Variants in SNX21 observed in about 807,000 individuals in gnomAD.
The protein encoded by SNX21 is sorting nexin-21.
A neutral mutation model predicts 30.9 loss-of-function variants in SNX21; 36 were observed. That is an observed-to-expected ratio of 1.16 (90% CI 0.89 to 1.54). The LOEUF (loss-of-function observed/expected upper bound fraction) is 1.54. Among genes scored for constraint, SNX21 ranks in the 40% most tolerant of loss-of-function variants. The pLI is 0.00. For synonymous variants in SNX21, 218 were observed against 222.7 expected (o/e 0.98, Z 0.19); for missense variants, 508 against 516.5 (o/e 0.98, Z 0.16).
Position 45,841,775 on chromosome 20 carries a change from C to T in SNX21, c.*462C>T. 6.6e-7 allele frequency: 1 copy of T among 1,506,506 alleles called. No individual in the cohort carries two copies. Among genetic ancestry groups the T allele is most frequent in the Non-Finnish European group, 8.8e-7 (1 of 1,135,558 alleles). The allele number at this position is 1,506,506 out of a possible 1,614,324, so 93.3% of individuals were successfully genotyped here. A position where few individuals can be genotyped will look rare whatever the true frequency, so the allele number is the denominator to read the frequency against. On this transcript the variant is annotated 3_prime_UTR_variant, in exon 4 of 4. Coordinates refer to ENST00000491381, the MANE Select transcript of SNX21 (RefSeq NM_033421.4). ...TGAGGGCCAAAAGGGACTGTAACTC[C>T]TGTCTCAGGAATGGGGATAGATGGG...
chr20:45,840,467 G>A (rs1983961338), intron 3 of SNX21, 172 bp from the exon 4 acceptor site: 1 of 1,614,178 alleles, frequency 6.2e-7, no homozygotes, highest in African/African-American at 1.3e-5. Flanking sequence ...AGGTAAGATG[G>A]GACTGGGCTT....
chr20:45,834,075 T>G (rs1253912895), intron 1 of SNX21, 126 bp from the exon 2 acceptor site: 4 of 1,395,350 alleles, frequency 2.9e-6, no homozygotes, highest in East Asian at 2.7e-5. Flanking sequence ...GACCTCGGAC[T>G]GCCAGGGGGT....
Position 45,840,975 on chromosome 20 carries a change from C to G in SNX21, c.784C>G (p.Leu262Val). The part of the protein sequence containing the change: ...CTGLYREALA[L>V]WANAWQLQAQ... ...TGGCCTCTATCGTGAGGCTCTGGCACTCTGGGCCAATGCCTGGCAGCTGCA... is the reference window on the plus strand; with the variant it reads ...TGGCCTCTATCGTGAGGCTCTGGCAGTCTGGGCCAATGCCTGGCAGCTGCA... Residue 262 changes from leucine (L) to valine (V), a missense_variant, in exon 4 of 4, where the codon CTC becomes GTC. Coordinates refer to ENST00000491381, the MANE Select transcript of SNX21 (RefSeq NM_033421.4). 1.2e-6 allele frequency: 2 copies of G among 1,610,644 alleles called. No homozygotes were observed. The highest frequency in any genetic ancestry group is 4.5e-5 in the East Asian group (2 of 44,852).
chr20:45,840,178 T>TACAG, intron 3 of SNX21: 1 of 1,367,236 alleles, frequency 7.3e-7, no homozygotes, highest in Non-Finnish European at 9.5e-7. Flanking sequence ...TGTGGCTATC[T>TACAG]ACAGACCTGT....
At chr20:45,834,155 A>ACC (rs1296433435) in intron 1 of SNX21, 46 bp from the exon 2 acceptor site, 2 of 1,442,240 alleles carry the variant, frequency 1.4e-6, no homozygotes, top group East Asian at 5.1e-5. Context: ...GGGCTGGGGT[A>ACC]CCCCTCCTCC....
rs527791025 is a variant in SNX21, at chr20:45,843,248, C to G, written c.*1935C>G. ...GGTTCAGATGGAAGATATGATTTGC[C>G]TATTGTAATACAAAGAATCTGAACT... On this transcript the variant is annotated 3_prime_UTR_variant, in exon 4 of 4. Coordinates refer to ENST00000491381, the MANE Select transcript of SNX21 (RefSeq NM_033421.4). 1.7e-6 allele frequency: 1 copy of G among 595,276 alleles called. No homozygotes were observed. Among genetic ancestry groups the G allele is most frequent in the East Asian group, 4.0e-5 (1 of 24,882 alleles). The allele number at this position is 595,276 out of a possible 1,614,324, so 36.9% of individuals were successfully genotyped here.
chr20:45,834,096 C>A lies in SNX21; in HGVS notation c.22-105C>A. ...GGACTGCCAGGGGGTGGGGCCTCAC[C>A]GCGCCCCTCCCTCTCCGGTTCGGGC... On this transcript the variant is annotated intron_variant, in intron 1 of 3. Transcript: ENST00000491381. 3 of 1,399,952 alleles carry A rather than the reference C, an allele frequency of 2.1e-6. No homozygotes were observed. In the South Asian group the frequency reaches 4.6e-5, roughly 21 times the overall value. The allele number at this position is 1,399,952 out of a possible 1,614,324, so 86.7% of individuals were successfully genotyped here.
At position 45,840,693 on chromosome 20, in the gene SNX21, ATC is replaced by A. The variant is rs1973790016; in HGVS notation, c.507_508del (p.Arg170ProfsTer6). 6.2e-7 allele frequency: 1 copy of A among 1,614,022 alleles called. No individual in the cohort carries two copies. The highest frequency in any genetic ancestry group is 1.3e-5 in the African/African-American group (1 of 74,930). On this transcript the variant is annotated frameshift_variant, in exon 4 of 4. Transcript: ENST00000491381. LOFTEE classifies it high-confidence loss of function. The part of the protein sequence containing the change: ...PGPPDCQPAQ[I>X]SRRYSDFERL... ...ACCGCCAGATTGCCAGCCAGCCCAG[ATC>A]TCTCGCCGTTACTCGGACTTTGAGC...
At chr20:45,836,594 G>A (rs73124767) in intron 3 of SNX21, among the ~76,000 whole-genome samples, 13,221 of 150,926 alleles carry the variant, frequency 0.088, 590 homozygotes, top group Middle Eastern at 0.13. Context: ...ACCTCCAACT[G>A]GGCTCAAGCT....
rs764047505 is a variant in SNX21 at position 45,841,821 on chromosome 20, G to A, written c.*508G>A. The A allele has an allele frequency of 1.6e-5, 26 of 1,585,540 alleles. No individual in the cohort carries two copies. Among genetic ancestry groups the A allele is most frequent in the East Asian group, 9.0e-5 (4 of 44,520 alleles). ...ATGGGAGGTTCTTGAAGCCCCAGGC[G>A]AAGCTGGTACCTCTGGCTACAGCTT... On this transcript the variant is annotated 3_prime_UTR_variant, in exon 4 of 4. Transcript: ENST00000491381.
In SNX21 at chr20:45,841,027, C is replaced by T. The variant is rs1360300188; in HGVS notation, c.836C>T (p.Pro279Leu). Residue 279 changes from proline (P) to leucine (L), a missense_variant, in exon 4 of 4, where the codon CCA (proline) becomes CTA (leucine). Pro to Leu is a moderately conservative substitution (Grantham distance 98). Coordinates refer to ENST00000491381, the MANE Select transcript of SNX21 (RefSeq NM_033421.4). ...GCCCAGCTGGGCACCCCCTCTGGCC[C>T]AGACCGCCCCCTGCTGACCCTGGCT... Reference protein sequence around the residue: ...LQAQLGTPSGPDRPLLTLAGL... With the variant: ...LQAQLGTPSGLDRPLLTLAGL... 1 of 1,609,488 alleles carries T rather than the reference C, an allele frequency of 6.2e-7. No individual in the cohort carries two copies. Among genetic ancestry groups the T allele is most frequent in the African/African-American group, 1.3e-5 (1 of 74,910 alleles).
At position 45,842,324 on chromosome 20, in the gene SNX21, T is replaced by C. The variant is rs1984266748; in HGVS notation, c.*1011T>C. 2.1e-6 allele frequency: 3 copies of C among 1,396,810 alleles called. No homozygotes were observed. The highest frequency in any genetic ancestry group is 2.8e-6 in the Non-Finnish European group (3 of 1,079,142). 86.5% of individuals were successfully genotyped at this position (1,396,810 alleles called of 1,614,324 possible). Reference sequence around the variant, plus strand: ...AAAGCACTTTCACACCTCTCCTCGCTTCCTCAAAAAGATCACAGAGGGAGG... The same window carrying C: ...AAAGCACTTTCACACCTCTCCTCGCCTCCTCAAAAAGATCACAGAGGGAGG... On this transcript the variant is annotated 3_prime_UTR_variant, in exon 4 of 4. Transcript: ENST00000491381.
intron 3 of SNX21, chr20:45,840,372 GGGGCAGCA>G: frequency 6.2e-7 from 1 of 1,613,814 alleles, no homozygotes; most frequent in South Asian, 1.1e-5. Flanking sequence ...TACAAAAAAA[GGGGCAGCA>G]GCCCCGGGCA....
intron 3 of SNX21, among the ~76,000 whole-genome samples, chr20:45,839,177 G>C (rs1483261846): frequency 6.6e-6 from 1 of 152,170 alleles, no homozygotes; most frequent in Non-Finnish European, 1.5e-5. Context: ...ACAGGTGTGT[G>C]TGTGAGCCAC....
Position 45,841,514 on chromosome 20 carries a change from T to C in SNX21, c.*201T>C, listed in dbSNP as rs1984122074. On this transcript the variant is annotated 3_prime_UTR_variant, in exon 4 of 4. Coordinates refer to ENST00000491381, the MANE Select transcript of SNX21 (RefSeq NM_033421.4). ...AGCTTTGGCTGGGGTTGCCCTTGTG[T>C]AGTACAGGGAAGTCTGACACAGCCT... is the stretch of plus-strand genomic sequence containing the variant. 7.2e-7 allele frequency: 1 copy of C among 1,393,156 alleles called. No homozygotes were observed. 86.3% of individuals were successfully genotyped at this position (1,393,156 alleles called of 1,614,324 possible).
chr20:45,836,490 CAAAAAAAAAAAA>C lies in SNX21; in HGVS notation c.447+1390_447+1401del, dbSNP rs74176824. On this transcript the variant is annotated intron_variant, in intron 3 of 3. Transcript: ENST00000491381. ...TGGGCAACAGAGCGAGACTCCGTCT[CAAAAAAAAAAAA>C]AAAAAAAAAAAAAAATTTTGAGACA... 1.9e-4 allele frequency among the ~76,000 whole-genome samples: 10 copies of C among 51,338 alleles called. No individual in the cohort carries two copies. In the East Asian group the frequency reaches 3.6e-3, roughly 18 times the overall value. The allele number at this position is 51,338 out of a possible 152,430, so 33.7% of individuals were successfully genotyped here.
rs1984114704 is a variant in SNX21 at position 45,841,437 on chromosome 20, AAG to A, written c.*128_*129del. 1.4e-6 allele frequency: 2 copies of A among 1,458,488 alleles called. No individual in the cohort carries two copies. Among genetic ancestry groups the A allele is most frequent in the African/African-American group, 2.9e-5 (2 of 70,098 alleles). 90.3% of individuals were successfully genotyped at this position (1,458,488 alleles called of 1,614,324 possible). On this transcript the variant is annotated 3_prime_UTR_variant, in exon 4 of 4. Coordinates refer to ENST00000491381, the MANE Select transcript of SNX21 (RefSeq NM_033421.4). ...TGCTGGGAGCCCCTAGAAGTTCCAAAAGAGAATGTGAAGCAGATCAAGGAAAC... is the reference window on the plus strand; with the variant it reads ...TGCTGGGAGCCCCTAGAAGTTCCAAAAGAATGTGAAGCAGATCAAGGAAAC...
Position 45,834,431 on chromosome 20 carries a change from G to T in SNX21, c.252G>T (p.Gln84His). 6.2e-7 allele frequency: 1 copy of T among 1,606,582 alleles called. No individual in the cohort carries two copies. The highest frequency in any genetic ancestry group is 8.5e-7 in the Non-Finnish European group (1 of 1,179,296). The part of the protein sequence containing the change: ...DEDDEEAGPD[Q>H]LPLGDGTSGE... ...ACGACGAGGAGGCTGGCCCTGACCA[G>T]CTGCCCCTCGGGGATGGGACGTCAG... is the stretch of plus-strand genomic sequence containing the variant. Residue 84 changes from glutamine to histidine, a missense_variant, in exon 2 of 4, where the codon CAG (glutamine) becomes CAT (histidine). Transcript: ENST00000491381.
At position 45,833,836 on chromosome 20, in the gene SNX21, C is replaced by T. The variant is rs116024725; in HGVS notation, c.-84C>T. On this transcript the variant is annotated 5_prime_UTR_variant, in exon 1 of 4. Transcript: ENST00000491381. ...GAGCGGCGCTCTGAGCGGCCTGAGC[C>T]CGGCGGAGCCCTGCAGAACCCGGCC... is the stretch of plus-strand genomic sequence containing the variant. 0.016 allele frequency: 20,333 copies of T among 1,238,672 alleles called. 862 individuals are homozygous for T. The highest frequency in any genetic ancestry group is 0.12 in the African/African-American group (7,848 of 64,010). The allele number at this position is 1,238,672 out of a possible 1,614,324, so 76.7% of individuals were successfully genotyped here. A position where few individuals can be genotyped will look rare whatever the true frequency, so the allele number is the denominator to read the frequency against.
Sources: allele counts gnomAD v4.1 joint callset (sites outside exome capture counted in the v4.1 genomes callset), GRCh38; gene constraint gnomAD v4.1.1; transcripts MANE v1.5; gene names NCBI Gene and HGNC (gene_info 2026-07-23, HGNC 2026-07-21).